Variants in DNAH8 observed in about 807,000 individuals in gnomAD.
DNAH8 encodes the protein axonemal beta dynein heavy chain 8.
In DNAH8, 382 loss-of-function variants were observed where a neutral mutation model predicts 562.1. That is an observed-to-expected ratio of 0.68 (90% CI 0.63 to 0.74). The LOEUF (loss-of-function observed/expected upper bound fraction) is 0.74, where lower values mean the gene tolerates loss of function less well. Ranked by LOEUF, DNAH8 falls within the 30% of genes least tolerant of loss-of-function variation. The pLI is 0.00. For missense variants in DNAH8, 5,203 were observed against 5,620.4 expected, an observed-to-expected ratio of 0.93 and a Z score of 2.37; for synonymous variants, 1,881 against 1,919.4, an observed-to-expected ratio of 0.98 and a Z score of 0.52.
intron 5 of DNAH8, 105 bp downstream of exon 5, chr6:38,734,730 T>A: frequency 8.0e-7 from 1 of 1,250,288 alleles, no homozygotes; most frequent in Non-Finnish European, 1.1e-6. Flanking sequence ...AGGACTGAAT[T>A]GAGTTCCAAG....
At position 38,853,316 on chromosome 6, in the gene DNAH8, TCTTAC is replaced by T; in HGVS notation, c.5704_5708del (p.Leu1902IlefsTer28). 2 of 1,613,564 alleles carry T rather than the reference TCTTAC, an allele frequency of 1.2e-6. No homozygotes were observed. Among genetic ancestry groups the T allele is most frequent in the Non-Finnish European group, 1.7e-6 (2 of 1,179,794 alleles). On this transcript the variant is annotated frameshift_variant, in exon 41 of 93. Transcript: ENST00000327475. LOFTEE classifies it high-confidence loss of function. ...CAAATCAGTGATTCAGGATTTCAAC[TCTTAC>T]CATTCCTCAGCCACTTTCCAGCACA...
In DNAH8 at chr6:38,770,445, A is replaced by G. The variant is rs376117274; in HGVS notation, c.1650A>G (p.Ala550=). 265 of 1,601,908 alleles carry G rather than the reference A, an allele frequency of 1.7e-4. No individual in the cohort carries two copies. The highest frequency in any genetic ancestry group is 2.2e-4 in the Non-Finnish European group (260 of 1,172,316). The change falls in exon 12 of 93, where the codon GCA becomes GCG. Residue 550 remains alanine, a synonymous_variant. Coordinates refer to ENST00000327475, the MANE Select transcript of DNAH8 (RefSeq NM_001206927.2). ...DCIFLFKEYQ[A]SFHKTRKLIS... ...TTTTTCTATTCAAGGAATATCAGGC[A>G]TCTTTTCATAAAACAAGGAAACTGA...
chr6:38,815,493 T>C lies in DNAH8; in HGVS notation c.3359T>C (p.Ile1120Thr), dbSNP rs61757622. ...NVVMIPSLDD[I>T]QQAINRMIQL... ...GTGATGATTCCTAGTTTGGATGACA[T>C]TCAACAAGCCATTAACCGTATGATC... Residue 1120 changes from isoleucine to threonine, a missense_variant, in exon 26 of 93, where the codon ATT (isoleucine) becomes ACT (threonine). Coordinates refer to ENST00000327475, the MANE Select transcript of DNAH8 (RefSeq NM_001206927.2). The C allele has an allele frequency of 1.7e-4, 278 of 1,613,906 alleles. No homozygotes were observed. The African/African-American group carries it at 2.5e-3, about 15-fold the overall frequency.
At chr6:39,007,794 A>G (rs1765889765) in intron 88 of DNAH8, among the ~76,000 whole-genome samples, 1 of 147,288 alleles carries the variant, frequency 6.8e-6, no homozygotes, top group East Asian at 2.0e-4. Flanking sequence ...GCCTCCCACC[A>G]CCCCACCCCA....
chr6:38,958,015 GT>G (rs199883786), intron 82 of DNAH8, among the ~76,000 whole-genome samples: 6 of 149,894 alleles, frequency 4.0e-5, no homozygotes, highest in South Asian at 2.1e-4. Flanking sequence ...GTTTTGTTTT[GT>G]TTTTTTTTAT....
In DNAH8 at chr6:38,842,378, A is replaced by C; in HGVS notation, c.4477A>C (p.Asn1493His). ...EVLHKTRKEL[N>H]LLQKLYGLYD... The stretch of plus-strand genomic sequence containing the variant: ...TACTTTGTTTCCCAGAAAAGAACTC[A>C]ACTTGCTGCAGAAGCTGTATGGATT... Residue 1493 changes from asparagine (N) to histidine (H), a missense_variant, in exon 34 of 93, where the codon AAC becomes CAC. Asn to His is a moderately conservative substitution (Grantham distance 68, BLOSUM62 1). This residue lies in a region of DNAH8 where 2,176 missense variants were observed against 2,365.1 expected (regional missense o/e 0.92). Coordinates refer to ENST00000327475, the MANE Select transcript of DNAH8 (RefSeq NM_001206927.2). The C allele has an allele frequency of 6.2e-7, 1 of 1,600,062 alleles. No homozygotes were observed. Among genetic ancestry groups the C allele is most frequent in the Non-Finnish European group, 8.5e-7 (1 of 1,175,566 alleles).
intron 92 of DNAH8, among the ~76,000 whole-genome samples, chr6:39,029,269 C>G (rs1165529892): frequency 6.6e-6 from 1 of 152,080 alleles, no homozygotes; most frequent in Non-Finnish European, 1.5e-5. Context: ...GATGCCTACG[C>G]TCTCTCCTCT....
At chr6:38,775,995 G>GT (rs771028026) in intron 13 of DNAH8, 44 bp downstream of exon 13, 6 of 1,250,462 alleles carry the variant, frequency 4.8e-6, no homozygotes, top group Non-Finnish European at 7.0e-6. Flanking sequence ...CTGAAAAGTA[G>GT]TCAGTAGTAC....
chr6:38,834,879 A>G (rs1325758474), intron 32 of DNAH8, among the ~76,000 whole-genome samples: 1 of 152,234 alleles, frequency 6.6e-6, no homozygotes, highest in African/African-American at 2.4e-5. Context: ...TAAGAATATA[A>G]CTTATTTTAG....
At chr6:38,988,465 T>C (rs935731989) in intron 87 of DNAH8, among the ~76,000 whole-genome samples, 5 of 152,230 alleles carry the variant, frequency 3.3e-5, no homozygotes, top group Admixed American at 3.3e-4. Flanking sequence ...CCTTAGGGTG[T>C]CTTCCTGCAA....
In DNAH8 at chr6:38,805,538, A is replaced by T. The variant is rs773523082; in HGVS notation, c.3092A>T (p.Tyr1031Phe). 1 of 1,610,346 alleles carries T rather than the reference A, an allele frequency of 6.2e-7. No homozygotes were observed. The highest frequency in any genetic ancestry group is 1.1e-5 in the South Asian group (1 of 90,984). ...ACAGGAGAGGGTGAAAACAATGACTATGAAGCTAATATTGTGAATGAGTTT... is the reference window on the plus strand; with the variant it reads ...ACAGGAGAGGGTGAAAACAATGACTTTGAAGCTAATATTGTGAATGAGTTT... ...SETGEGENND[Y>F]EANIVNEFDT... Residue 1031 changes from tyrosine (Y) to phenylalanine (F), a missense_variant, in exon 23 of 93, where the codon TAT becomes TTT. Around this residue, in one of 6 missense-constraint regions of DNAH8, gnomAD observed 2,176 missense variants for 2,365.1 expected, o/e 0.92. Coordinates refer to ENST00000327475, the MANE Select transcript of DNAH8 (RefSeq NM_001206927.2).
intron 33 of DNAH8, among the ~76,000 whole-genome samples, chr6:38,841,404 G>A (rs1774776316): frequency 6.6e-6 from 1 of 152,156 alleles, no homozygotes; most frequent in Admixed American, 6.5e-5. Flanking sequence ...GGGCAACAGA[G>A]TGAGATTCTC....
intron 86 of DNAH8, among the ~76,000 whole-genome samples, chr6:38,982,822 T>G (rs1210691981): frequency 6.6e-6 from 1 of 152,242 alleles, no homozygotes; most frequent in East Asian, 1.9e-4. Flanking sequence ...GCGAAAGTTC[T>G]TTCTCACCTT....
chr6:39,018,879 A>T (rs1766724341), intron 91 of DNAH8, among the ~76,000 whole-genome samples: 3 of 152,216 alleles, frequency 2.0e-5, no homozygotes, highest in Non-Finnish European at 4.4e-5. Flanking sequence ...TGTTGGCAGA[A>T]GTCTCAGTGG....
chr6:39,010,407 A>G (rs1203652122), intron 89 of DNAH8, among the ~76,000 whole-genome samples: 1 of 152,202 alleles, frequency 6.6e-6, no homozygotes. Flanking sequence ...AAAATGCTAT[A>G]TAAGGCTACA....
intron 91 of DNAH8, among the ~76,000 whole-genome samples, chr6:39,020,362 C>A (rs1766833595): frequency 6.6e-6 from 1 of 152,122 alleles, no homozygotes; most frequent in Non-Finnish European, 1.5e-5. Flanking sequence ...GACTTGTCTG[C>A]AGAGCTTTTT....
chr6:38,743,125 C>A (rs1211800208), intron 8 of DNAH8, among the ~76,000 whole-genome samples: 1 of 148,776 alleles, frequency 6.7e-6, no homozygotes, highest in Non-Finnish European at 1.5e-5. Flanking sequence ...TTAAGCCATC[C>A]TCCCACCTCA....
chr6:38,942,178 G>A (rs181573242), intron 79 of DNAH8, among the ~76,000 whole-genome samples: 83 of 152,278 alleles, frequency 5.5e-4, no homozygotes, highest in Non-Finnish European at 7.6e-4. Flanking sequence ...GCCACCCAGC[G>A]TATGGTATTT....
chr6:38,814,730 A>T (rs1772092305), intron 25 of DNAH8, among the ~76,000 whole-genome samples: 1 of 152,216 alleles, frequency 6.6e-6, no homozygotes, highest in Non-Finnish European at 1.5e-5. Flanking sequence ...TCTAAATAAA[A>T]TCATCACAGT....
Sources: allele counts gnomAD v4.1 joint callset (sites outside exome capture counted in the v4.1 genomes callset), GRCh38; gene constraint gnomAD v4.1.1; regional missense constraint gnomAD v4.1.1; transcripts MANE v1.5; gene names NCBI Gene and HGNC (gene_info 2026-07-23, HGNC 2026-07-21).